The following HSP90AA1 variants were observed in gnomAD, a reference collection of about 807,000 sequenced individuals.
HSP90AA1 encodes the protein heat shock protein 90 alpha family class A member 1.
A neutral mutation model predicts 73.3 loss-of-function variants in HSP90AA1; 18 were observed. The ratio of observed to expected loss-of-function variants is 0.25; its 90% CI spans 0.17 to 0.36. The LOEUF (loss-of-function observed/expected upper bound fraction) is 0.36. HSP90AA1 is among the 10% of genes least tolerant of loss of function. The pLI, the probability that HSP90AA1 is intolerant of heterozygous loss-of-function variation, is 1.00. For missense variants in HSP90AA1, 704 were observed against 874.2 expected (o/e 0.81, Z 2.45); for synonymous variants, 477 against 296.9 (o/e 1.61, Z -6.24).
At chr14:102,112,953 A>G (rs2049660023) in intron 1 of HSP90AA1, among the ~76,000 whole-genome samples, 1 of 152,100 alleles carries the variant, frequency 6.6e-6, no homozygotes, top group East Asian at 1.9e-4. Context: ...GTAAATTCGC[A>G]TCTCCCTGTA....
At chr14:102,137,699 GAATAAA>G (rs926582062) in intron 1 of HSP90AA1, among the ~76,000 whole-genome samples, 2 of 151,766 alleles carry the variant, frequency 1.3e-5, no homozygotes, top group African/African-American at 4.8e-5. Flanking sequence ...GAGATAAAAA[GAATAAA>G]AATAGAGACT....
chr14:102,135,387 G>C (rs959719809), intron 1 of HSP90AA1, among the ~76,000 whole-genome samples: 1 of 152,256 alleles, frequency 6.6e-6, no homozygotes. Flanking sequence ...GTGTGGATTG[G>C]TGCACTCACA....
intron 1 of HSP90AA1, among the ~76,000 whole-genome samples, chr14:102,111,801 C>G (rs1231201783): frequency 6.6e-6 from 1 of 152,164 alleles, no homozygotes; most frequent in Non-Finnish European, 1.5e-5. Flanking sequence ...CACTTGGGAT[C>G]CATCAATGAA....
intron 1 of HSP90AA1, among the ~76,000 whole-genome samples, chr14:102,108,666 G>A (rs979484495): frequency 2.0e-5 from 3 of 150,908 alleles, no homozygotes; most frequent in East Asian, 3.9e-4. Flanking sequence ...CTCTGGAGTT[G>A]CTGGGATTAC....
intron 1 of HSP90AA1, among the ~76,000 whole-genome samples, chr14:102,086,687 G>A (rs1161794059): frequency 6.6e-6 from 1 of 150,674 alleles, no homozygotes; most frequent in African/African-American, 2.4e-5. Flanking sequence ...CTCCGCCTGC[G>A]CCCCCAGCGG....
intron 1 of HSP90AA1, among the ~76,000 whole-genome samples, chr14:102,137,146 G>A (rs983713536): frequency 6.6e-5 from 10 of 150,924 alleles, no homozygotes; most frequent in Non-Finnish European, 1.3e-4. Context: ...CTTGGGAGGC[G>A]GAGAGCTGAG....
chr14:102,135,558 A>G (rs2049980035), intron 1 of HSP90AA1, among the ~76,000 whole-genome samples: 1 of 152,246 alleles, frequency 6.6e-6, no homozygotes, highest in South Asian at 2.1e-4. Flanking sequence ...GCCGTGGAGC[A>G]GGAGGTGGTG....
chr14:102,138,529 C>T (rs947628764), intron 1 of HSP90AA1, among the ~76,000 whole-genome samples: 1 of 151,340 alleles, frequency 6.6e-6, no homozygotes, highest in Non-Finnish European at 1.5e-5. Context: ...TCCAACACTA[C>T]AAAGGCTAAA....
At chr14:102,103,016 T>C (rs2049514765) in intron 1 of HSP90AA1, among the ~76,000 whole-genome samples, 1 of 151,616 alleles carries the variant, frequency 6.6e-6, no homozygotes, top group South Asian at 2.1e-4. Context: ...CCATCTCTAC[T>C]GAAAATACAA....
intron 9 of HSP90AA1, 122 bp downstream of exon 9, chr14:102,082,912 C>A: frequency 9.4e-7 from 1 of 1,059,478 alleles, no homozygotes; most frequent in Admixed American, 1.8e-5. Flanking sequence ...AGCCACCGCG[C>A]CCAGCCACAC....
intron 1 of HSP90AA1, among the ~76,000 whole-genome samples, chr14:102,130,416 G>A (rs1250338767): frequency 2.6e-5 from 4 of 152,076 alleles, no homozygotes; most frequent in Non-Finnish European, 4.4e-5. Context: ...GTACATGGGG[G>A]TTTAAATTTC....
chr14:102,082,850 G>A (rs778813028), intron 9 of HSP90AA1, 184 bp downstream of exon 9: 1 of 670,018 alleles, frequency 1.5e-6, no homozygotes, highest in Non-Finnish European at 2.7e-6. Context: ...TCGATCTCCT[G>A]ACCTTGTGAT....
intron 10 of HSP90AA1, 38 bp downstream of exon 10, chr14:102,082,073 T>C: frequency 7.3e-7 from 1 of 1,369,158 alleles, no homozygotes; most frequent in Non-Finnish European, 1.0e-6. Context: ...GTCACGTGTG[T>C]TTATTTTCTT....
At chr14:102,097,010 C>T (rs1265527253) in intron 2 of HSP90AA1, among the ~76,000 whole-genome samples, 1 of 151,442 alleles carries the variant, frequency 6.6e-6, no homozygotes, top group Non-Finnish European at 1.5e-5. Flanking sequence ...TTTCTTGAGA[C>T]ACAGTCTCGC....
At chr14:102,105,609 C>G (rs2049556840) in intron 1 of HSP90AA1, among the ~76,000 whole-genome samples, 1 of 152,170 alleles carries the variant, frequency 6.6e-6, no homozygotes, top group South Asian at 2.1e-4. Flanking sequence ...AGAGGGCTTG[C>G]AAGGGAGACA....
At chr14:102,102,080 G>A (rs1375841389) in exon 2 of HSP90AA1, 2 of 1,612,560 alleles carry the variant, frequency 1.2e-6, no homozygotes, top group South Asian at 1.1e-5. Context: ...GTTAACAGGT[G>A]CCCTGCTGGG....
chr14:102,135,634 T>G (rs1283951770), intron 1 of HSP90AA1, among the ~76,000 whole-genome samples: 1 of 152,246 alleles, frequency 6.6e-6, no homozygotes, highest in African/African-American at 2.4e-5. Flanking sequence ...GCATGGGGGC[T>G]GCAGGTCCCG....
chr14:102,081,457 ACGT>A lies in HSP90AA1; in HGVS notation c.*252_*254del, dbSNP rs1320196687. On this transcript the variant is annotated 3_prime_UTR_variant, in exon 11 of 11. Coordinates refer to ENST00000216281, the MANE Select transcript of HSP90AA1 (RefSeq NM_005348.4). ...CCACAAAGTTAACATCATGTTACAT[ACGT>A]CTTACAGTGCACGTTACCCCAATCT... 3.6e-6 allele frequency: 2 copies of A among 555,002 alleles called. No homozygotes were observed. The highest frequency in any genetic ancestry group is 6.4e-6 in the Non-Finnish European group (2 of 310,724). The allele number at this position is 555,002 out of a possible 1,614,324, so 34.4% of individuals were successfully genotyped here. A position where few individuals can be genotyped will look rare whatever the true frequency, so the allele number is the denominator to read the frequency against.
intron 1 of HSP90AA1, among the ~76,000 whole-genome samples, chr14:102,112,454 G>A (rs967467947): frequency 7.9e-5 from 12 of 152,148 alleles, no homozygotes; most frequent in African/African-American, 2.7e-4. Context: ...GGTTACGGGC[G>A]TGAGCCACCG....
Sources: allele counts gnomAD v4.1 joint callset (sites outside exome capture counted in the v4.1 genomes callset), GRCh38; gene constraint gnomAD v4.1.1; transcripts MANE v1.5; gene names NCBI Gene and HGNC (gene_info 2026-07-23, HGNC 2026-07-21).